HERC2: variants seen among roughly 807,000 people sequenced by gnomAD.
HERC2 encodes E3 ubiquitin-protein ligase HERC2.
A neutral mutation model predicts 537.7 loss-of-function variants in HERC2; 102 were observed. The ratio of observed to expected loss-of-function variants is 0.19; its 90% confidence interval spans 0.16 to 0.22. HERC2 has a LOEUF of 0.22. Ranked by LOEUF, HERC2 falls within the 10% of genes least tolerant of loss-of-function variation. The probability of loss-of-function intolerance (pLI) is 1.00; values close to 1 mark genes in which losing one functional copy is unlikely to be tolerated. For synonymous variants in HERC2, 2,224 were observed against 2,466.2 expected (o/e 0.90, Z 2.91); for missense variants, 4,236 against 6,198.2 (o/e 0.68, Z 10.63).
chr15:28,204,892 A>ATAT (rs1315083421), intron 45 of HERC2, among the ~76,000 whole-genome samples: 4 of 152,238 alleles, frequency 2.6e-5, no homozygotes, highest in Non-Finnish European at 5.9e-5. Flanking sequence ...CAGATGTATA[A>ATAT]TAGTATTTCC....
intron 12 of HERC2, among the ~76,000 whole-genome samples, chr15:28,266,842 AC>A (rs2075582281): frequency 6.6e-6 from 1 of 152,168 alleles, no homozygotes; most frequent in African/African-American, 2.4e-5. Context: ...GATGGTGGTG[AC>A]CCAACTGCGT....
chr15:28,319,438 G>A (rs199863569), intron 2 of HERC2, among the ~76,000 whole-genome samples: 6,267 of 138,444 alleles, frequency 0.045, 1 homozygote, highest in East Asian at 0.37. Flanking sequence ...AAAATTAGTC[G>A]GGCATGCATG....
chr15:28,220,374 C>T, intron 37 of HERC2, 78 bp downstream of exon 37: 2 of 1,305,688 alleles, frequency 1.5e-6, no homozygotes, highest in Non-Finnish European at 2.2e-6. Context: ...ATTCTAAGGC[C>T]CAGATGACAG....
In HERC2 at chr15:28,260,871, T is replaced by A. The variant is rs759542663; in HGVS notation, c.2222A>T (p.His741Leu). The part of the protein sequence containing the change: ...HSWGSNDQCQ[H>L]FDTLRVTKPE... Reference sequence around the variant, plus strand: ...CTTGGTCACGCGCAAGGTGTCAAAGTGCTGGCACTGGTCGTTGCTCCCCCA... The same window carrying A: ...CTTGGTCACGCGCAAGGTGTCAAAGAGCTGGCACTGGTCGTTGCTCCCCCA... The change falls in exon 16 of 93, where the codon CAC (histidine) becomes CTC (leucine). Residue 741 changes from histidine to leucine, a missense_variant. By Grantham distance (99) the His-to-Leu change is moderately conservative (BLOSUM62 -3). Transcript: ENST00000261609. 1 of 1,614,252 alleles carries A rather than the reference T, an allele frequency of 6.2e-7. No individual in the cohort carries two copies. Among genetic ancestry groups the A allele is most frequent in the Non-Finnish European group, 8.5e-7 (1 of 1,180,052 alleles).
intron 1 of HERC2, among the ~76,000 whole-genome samples, 168 bp downstream of exon 1, chr15:28,321,907 C>T (rs1365452983): frequency 7.0e-6 from 1 of 143,664 alleles, no homozygotes; most frequent in Non-Finnish European, 1.5e-5. Context: ...AAACCCACAG[C>T]CACCACCACT....
intron 69 of HERC2, among the ~76,000 whole-genome samples, chr15:28,157,938 G>C (rs1350142035): frequency 6.6e-6 from 1 of 152,032 alleles, no homozygotes; most frequent in Non-Finnish European, 1.5e-5. Flanking sequence ...CTGGTATGTT[G>C]TGTCTTTGTT....
intron 47 of HERC2, among the ~76,000 whole-genome samples, chr15:28,201,902 A>C (rs1450650243): frequency 6.6e-6 from 1 of 152,162 alleles, no homozygotes; most frequent in Non-Finnish European, 1.5e-5. Flanking sequence ...CTGAAGCTAA[A>C]AGTAATTATG....
intron 69 of HERC2, among the ~76,000 whole-genome samples, chr15:28,158,935 G>A (rs1566954730): frequency 6.6e-6 from 1 of 152,106 alleles, no homozygotes; most frequent in Non-Finnish European, 1.5e-5. Flanking sequence ...AGGCCTGGTG[G>A]TGACAAAATC....
chr15:28,214,481 C>G (rs919652500), intron 40 of HERC2, among the ~76,000 whole-genome samples, 174 bp downstream of exon 40: 3 of 139,618 alleles, frequency 2.1e-5, no homozygotes, highest in Non-Finnish European at 4.6e-5. Context: ...CTCTGAGTGA[C>G]GGCAGTACAC....
At chr15:28,296,751 T>A (rs900666975) in intron 3 of HERC2, among the ~76,000 whole-genome samples, 1 of 148,218 alleles carries the variant, frequency 6.7e-6, no homozygotes, top group Non-Finnish European at 1.5e-5. Flanking sequence ...ATATGGACAC[T>A]CTTAGCCTCA....
Position 28,114,706 on chromosome 15 carries a change from T to G in HERC2, c.13819A>C (p.Ser4607Arg). The G allele has an allele frequency of 6.2e-7, 1 of 1,614,132 alleles. No homozygotes were observed. Residue 4607 changes from serine to arginine, a missense_variant, in exon 90 of 93, where the codon AGT becomes CGT. By Grantham distance (110) the Ser-to-Arg change is moderately radical. Transcript: ENST00000261609. ...EAMSLPFTVP[S>R]ASGQDIQLSS... is the part of the protein sequence containing the mutation. ...AACTGAATGTCCTGGCCACTGGCAC[T>G]TGGCACTGTGAAGGGCAGGCTCATG...
At chr15:28,203,368 G>A (rs1184485773) in intron 45 of HERC2, 1 of 150,488 alleles carries the variant, frequency 6.6e-6, no homozygotes, top group Non-Finnish European at 1.5e-5. Context: ...TGCTCAGGAA[G>A]TATCAAAGCC....
intron 74 of HERC2, among the ~76,000 whole-genome samples, 184 bp downstream of exon 74, chr15:28,143,689 G>A (rs902665077): frequency 2.6e-5 from 4 of 151,822 alleles, no homozygotes; most frequent in African/African-American, 9.7e-5. Context: ...CTCGTGATCC[G>A]CCCACCTCAG....
At position 28,124,156 on chromosome 15, in the gene HERC2, A is replaced by C. The variant is rs1337139600; in HGVS notation, c.13069T>G (p.Ser4357Ala). The change falls in exon 85 of 93, where the codon TCC (serine) becomes GCC (alanine). Residue 4357 changes from serine to alanine, a missense_variant. Ser to Ala is a moderately conservative substitution (Grantham distance 99). Transcript: ENST00000261609. ...GGGATGCAGGGGCAGAAGAGCTCGG[A>C]GAGGTGGTGCAGCAGCAGCAGACGG... ...RNRLLLLHHL[S>A]ELFCPCIPMF... The C allele has an allele frequency of 6.3e-7, 1 of 1,591,230 alleles. No individual in the cohort carries two copies. The highest frequency in any genetic ancestry group is 1.4e-5 in the African/African-American group (1 of 73,684).
chr15:28,237,348 A>C (rs1902572249), intron 25 of HERC2, among the ~76,000 whole-genome samples: 1 of 152,236 alleles, frequency 6.6e-6, no homozygotes, highest in South Asian at 2.1e-4. Flanking sequence ...TACTGTAGAA[A>C]AACTAAACCA....
At chr15:28,167,168 T>C (rs1363359048) in intron 68 of HERC2, among the ~76,000 whole-genome samples, 1 of 152,228 alleles carries the variant, frequency 6.6e-6, no homozygotes. Flanking sequence ...CCATGAGTAC[T>C]TAACACACTT....
chr15:28,190,868 G>C (rs546040131), intron 55 of HERC2, 97 bp downstream of exon 55: 1 of 776,894 alleles, frequency 1.3e-6, no homozygotes, highest in Non-Finnish European at 2.3e-6. Flanking sequence ...TTATTTAAAC[G>C]GGGAAAAACT....
At chr15:28,167,120 G>A (rs957203040) in intron 68 of HERC2, among the ~76,000 whole-genome samples, 3 of 152,242 alleles carry the variant, frequency 2.0e-5, no homozygotes, top group Non-Finnish European at 2.9e-5. Context: ...AAAGTATGAT[G>A]AGGAACAAGA....
chr15:28,114,878 ACT>A, intron 89 of HERC2, 76 bp from the exon 90 acceptor site: 1 of 1,275,972 alleles, frequency 7.8e-7, no homozygotes, highest in Admixed American at 2.0e-5. Context: ...CACCCAGCAC[ACT>A]CTGTCAAGCA....
Sources: gnomAD v4.1 joint callset for allele counts (sites outside exome capture counted in the v4.1 genomes callset) on GRCh38, gnomAD v4.1.1 for gene constraint, MANE v1.5 for transcripts, NCBI Gene and HGNC (gene_info 2026-07-23, HGNC 2026-07-21) for gene names.